FNDC3B: variants seen among roughly 807,000 people sequenced by gnomAD.
The protein encoded by FNDC3B is fibronectin type III domain containing 3B, also known as fibronectin type III domain-containing protein 3B.
In FNDC3B, 12 loss-of-function variants were observed where a neutral mutation model predicts 151.5. That is an observed-to-expected ratio of 0.08 (90% confidence interval 0.05 to 0.13). The LOEUF is 0.13. Among genes scored for constraint, FNDC3B ranks in the 10% least tolerant of loss-of-function variants. The probability of loss-of-function intolerance (pLI) is 1.00; values close to 1 mark genes in which losing one functional copy is unlikely to be tolerated. For missense variants in FNDC3B, 1,214 were observed against 1,505.3 expected (o/e 0.81, Z 3.20); for synonymous variants, 528 against 549.0 (o/e 0.96, Z 0.54).
chr3:172,066,470 T>C (rs1020564103), intron 1 of FNDC3B, among the ~76,000 whole-genome samples: 2 of 152,222 alleles, frequency 1.3e-5, no homozygotes, highest in Non-Finnish European at 2.9e-5. Flanking sequence ...TGTTTACATA[T>C]AGTTTTGGCG....
At position 172,310,838 on chromosome 3, in the gene FNDC3B, A is replaced by G; in HGVS notation, c.1211A>G (p.Asp404Gly). 1 of 1,611,722 alleles carries G rather than the reference A, an allele frequency of 6.2e-7. No individual in the cohort carries two copies. Among genetic ancestry groups the G allele is most frequent in the Non-Finnish European group, 8.5e-7 (1 of 1,177,750 alleles). Residue 404 changes from aspartate to glycine, a missense_variant, in exon 11 of 26, where the codon GAC becomes GGC. Transcript: ENST00000415807. ...TACTATTTTTTTTAGGCACCAATTG[A>G]CAACGGTTCAAAAATCACCAACTAC... ...SLTLQWKAPIDNGSKITNYLL... is the reference protein window; with the variant it reads ...SLTLQWKAPIGNGSKITNYLL...
chr3:172,343,490 T>G (rs1733444804), intron 18 of FNDC3B, among the ~76,000 whole-genome samples: 1 of 152,216 alleles, frequency 6.6e-6, no homozygotes, highest in Admixed American at 6.5e-5. Context: ...AAAGAATGGT[T>G]TATAAGATCA....
At chr3:172,163,511 C>T (rs750314136) in intron 3 of FNDC3B, among the ~76,000 whole-genome samples, 9 of 152,126 alleles carry the variant, frequency 5.9e-5, no homozygotes, top group African/African-American at 9.7e-5. Flanking sequence ...CACACATGCA[C>T]GCACACATGC....
At chr3:172,051,937 A>G (rs1716672996) in intron 1 of FNDC3B, among the ~76,000 whole-genome samples, 1 of 152,168 alleles carries the variant, frequency 6.6e-6, no homozygotes, top group Admixed American at 6.5e-5. Flanking sequence ...CCATGAAAAT[A>G]TGGGCCCTCA....
At chr3:172,133,774 C>A in intron 3 of FNDC3B, 1 of 527,316 alleles carries the variant, frequency 1.9e-6, no homozygotes, top group Non-Finnish European at 3.4e-6. Flanking sequence ...TTAGTTATTG[C>A]TAAGTAACAA....
chr3:172,127,654 A>G (rs540732972), intron 2 of FNDC3B, among the ~76,000 whole-genome samples: 3 of 152,264 alleles, frequency 2.0e-5, no homozygotes, highest in South Asian at 4.1e-4. Flanking sequence ...GCTTTTTTTT[A>G]AACAAAGAAC....
chr3:172,363,426 T>C (rs1265949602), intron 23 of FNDC3B, among the ~76,000 whole-genome samples: 1 of 152,224 alleles, frequency 6.6e-6, no homozygotes. Context: ...TTGTTTAACC[T>C]AACTTCATTT....
chr3:172,214,583 C>A (rs1725886927), intron 3 of FNDC3B, among the ~76,000 whole-genome samples: 1 of 151,514 alleles, frequency 6.6e-6, no homozygotes, highest in Non-Finnish European at 1.5e-5. Flanking sequence ...TTCCATTGAG[C>A]AGCCTTCTAG....
intron 14 of FNDC3B, among the ~76,000 whole-genome samples, chr3:172,333,539 T>G (rs1383471166): frequency 7.0e-6 from 1 of 142,208 alleles, no homozygotes; most frequent in East Asian, 2.0e-4. Context: ...GAGACGGGGG[T>G]TTCACCATGT....
At chr3:172,047,336 GC>G in intron 1 of FNDC3B, among the ~76,000 whole-genome samples, 1 of 152,230 alleles carries the variant, frequency 6.6e-6, no homozygotes, top group South Asian at 2.1e-4. Flanking sequence ...TAAAAATAAC[GC>G]CATTGTTCTA....
At position 172,110,054 on chromosome 3, in the gene FNDC3B, T is replaced by G. The variant is rs569667294; in HGVS notation, c.-28-2398T>G. On this transcript the variant is annotated intron_variant, in intron 1 of 25. Coordinates refer to ENST00000415807, the MANE Select transcript of FNDC3B (RefSeq NM_022763.4). ...CTGCTTAGGACTTGACACCTGTGCT[T>G]AAGGGTGCTATTTAGCGGGGTTGGA... Among the ~76,000 whole-genome samples the G allele has an allele frequency of 1.5e-3, 222 of 152,306 alleles. 1 individual carries two copies. The highest frequency in any genetic ancestry group is 5.1e-3 in the African/African-American group (214 of 41,566).
chr3:172,122,341 C>G (rs1720595820), intron 2 of FNDC3B, among the ~76,000 whole-genome samples: 1 of 152,096 alleles, frequency 6.6e-6, no homozygotes, highest in African/African-American at 2.4e-5. Flanking sequence ...TGCCAAGGAG[C>G]CAGTTGCTGA....
At position 172,352,538 on chromosome 3, in the gene FNDC3B, T is replaced by C. The variant is rs1377313924; in HGVS notation, c.2515-265T>C. ...GTGTAAGATGATGTATAAACTGAAA[T>C]AGGTCATGCAAATATAAAATATTAT... On this transcript the variant is annotated intron_variant, in intron 21 of 25. Transcript: ENST00000415807. The surrounding 1 kb of genome is among the most constrained non-coding windows in gnomAD (Gnocchi z 4.2). Among the ~76,000 whole-genome samples the C allele has an allele frequency of 6.6e-6, 1 of 152,098 alleles. No individual in the cohort carries two copies. The highest frequency in any genetic ancestry group is 1.5e-5 in the Non-Finnish European group (1 of 68,024).
At chr3:172,393,720 A>G (rs1736133686) in intron 25 of FNDC3B, among the ~76,000 whole-genome samples, 1 of 152,236 alleles carries the variant, frequency 6.6e-6, no homozygotes, top group Non-Finnish European at 1.5e-5. Flanking sequence ...ACATGGAAAT[A>G]AAAAACATAC....
intron 6 of FNDC3B, among the ~76,000 whole-genome samples, chr3:172,254,096 T>G (rs1442820221): frequency 6.6e-6 from 1 of 152,194 alleles, no homozygotes; most frequent in Non-Finnish European, 1.5e-5. Flanking sequence ...TAATTTAACT[T>G]TTTATCACTT....
chr3:172,177,736 T>C (rs1723681501), intron 3 of FNDC3B, among the ~76,000 whole-genome samples: 1 of 150,778 alleles, frequency 6.6e-6, no homozygotes, highest in Non-Finnish European at 1.5e-5. Context: ...GTGCAGAACG[T>C]GCAGGTTTAT....
chr3:172,179,048 C>G (rs1560003802), intron 3 of FNDC3B, among the ~76,000 whole-genome samples: 3 of 152,008 alleles, frequency 2.0e-5, no homozygotes, highest in Non-Finnish European at 1.5e-5. Context: ...GCCCCTTTAT[C>G]TTATTTATTT....
intron 3 of FNDC3B, among the ~76,000 whole-genome samples, chr3:172,156,385 G>T (rs904916014): frequency 2.0e-5 from 3 of 152,202 alleles, no homozygotes; most frequent in African/African-American, 7.2e-5. Context: ...TTAGCCATCG[G>T]CTCCAAGTGG....
At chr3:172,348,892 A>T (rs1348640073) in intron 21 of FNDC3B, among the ~76,000 whole-genome samples, 1 of 152,202 alleles carries the variant, frequency 6.6e-6, no homozygotes, top group Admixed American at 6.5e-5. Context: ...TGTTCAAACT[A>T]TACCAATTTA....
Sources: allele counts gnomAD v4.1 joint callset (sites outside exome capture counted in the v4.1 genomes callset), GRCh38; gene constraint gnomAD v4.1.1; non-coding constraint Gnocchi (gnomAD v3.1); transcripts MANE v1.5; gene names NCBI Gene and HGNC (gene_info 2026-07-23, HGNC 2026-07-21).